ADAM32: variants seen among roughly 807,000 people sequenced by gnomAD.
ADAM32 encodes the protein ADAM metallopeptidase domain 32, also known as disintegrin and metalloproteinase domain-containing protein 32.
In ADAM32, 89 loss-of-function variants were observed where a neutral mutation model predicts 114.9. The ratio of observed to expected loss-of-function variants is 0.77; its 90% CI spans 0.65 to 0.92. The LOEUF (loss-of-function observed/expected upper bound fraction) is 0.92, where lower values mean the gene tolerates loss of function less well. Among genes scored for constraint, ADAM32 ranks in the 40% least tolerant of loss-of-function variants. The probability of loss-of-function intolerance (pLI) is 0.00; values close to 1 mark genes in which losing one functional copy is unlikely to be tolerated. For missense variants in ADAM32, 870 were observed against 932.8 expected (o/e 0.93, Z 0.88); for synonymous variants, 285 against 307.5 (o/e 0.93, Z 0.77).
At chr8:39,227,286 C>T (rs761468203) in intron 14 of ADAM32, among the ~76,000 whole-genome samples, 6 of 152,122 alleles carry the variant, frequency 3.9e-5, no homozygotes, top group Non-Finnish European at 5.9e-5. Context: ...GAGAAGTTTC[C>T]GACCTTACCT....
At chr8:39,194,007 T>TGGGG (rs1806784242) in intron 11 of ADAM32, among the ~76,000 whole-genome samples, 1 of 152,036 alleles carries the variant, frequency 6.6e-6, no homozygotes, top group Non-Finnish European at 1.5e-5. Flanking sequence ...GGCGGCACAG[T>TGGGG]GGGGTGCATG....
chr8:39,209,832 C>A (rs1554615542), intron 11 of ADAM32, among the ~76,000 whole-genome samples: 1 of 152,156 alleles, frequency 6.6e-6, no homozygotes. Flanking sequence ...CTTCCCCTAG[C>A]AGAAGGAGTT....
At chr8:39,124,230 A>G (rs536871709) in intron 2 of ADAM32, among the ~76,000 whole-genome samples, 1 of 151,890 alleles carries the variant, frequency 6.6e-6, no homozygotes, top group South Asian at 2.1e-4. Context: ...ATGCGTCCAT[A>G]TGTTCTCATC....
intron 6 of ADAM32, chr8:39,157,729 AC>A: frequency 7.5e-7 from 1 of 1,334,390 alleles, no homozygotes; most frequent in Non-Finnish European, 1.1e-6. Context: ...CTTAGTTCCC[AC>A]CACACAGCAC....
Position 39,278,535 on chromosome 8 carries a change from C to G in ADAM32, c.2280-2601C>G, listed in dbSNP as rs7825242. 9.1e-3 allele frequency among the ~76,000 whole-genome samples: 1,382 copies of G among 152,178 alleles called. 23 individuals carry two copies. Among genetic ancestry groups the G allele is most frequent in the African/African-American group, 0.031 (1,275 of 41,514 alleles). On this transcript the variant is annotated intron_variant, in intron 22 of 24. Transcript: ENST00000379907. ...GTCTTTTCCTAAGCAACAGAAGAAT[C>G]TTTGACAATTTATCAGCAAACTCTT...
intron 18 of ADAM32, among the ~76,000 whole-genome samples, 199 bp downstream of exon 18, chr8:39,254,715 AT>A (rs918779940): frequency 1.8e-4 from 27 of 151,526 alleles, no homozygotes; most frequent in South Asian, 8.3e-4. Flanking sequence ...TAATCAATTA[AT>A]TTTTTTTATT....
At chr8:39,198,896 T>A (rs991241468) in intron 11 of ADAM32, among the ~76,000 whole-genome samples, 2 of 152,184 alleles carry the variant, frequency 1.3e-5, no homozygotes, top group Admixed American at 1.3e-4. Flanking sequence ...ATAGGACTAG[T>A]CTAGTGGTGA....
chr8:39,256,569 G>T (rs1049752917), intron 18 of ADAM32, among the ~76,000 whole-genome samples: 1 of 151,990 alleles, frequency 6.6e-6, no homozygotes, highest in African/African-American at 2.4e-5. Context: ...ATATATGCCA[G>T]GTCCAGGTGC....
chr8:39,206,057 T>C lies in ADAM32; in HGVS notation c.1053-5087T>C, dbSNP rs538134415. Among the ~76,000 whole-genome samples the C allele has an allele frequency of 1.4e-4, 22 of 152,334 alleles. No individual in the cohort carries two copies. The South Asian group carries it at 4.3e-3, about 30-fold the overall frequency. On this transcript the variant is annotated intron_variant, in intron 11 of 24. Coordinates refer to ENST00000379907, the MANE Select transcript of ADAM32 (RefSeq NM_145004.7). ...ATGGGGAAATACTTTTCCCTGTAGA[T>C]GTATTTATAGTATTAGTTGGATAGG... is the stretch of plus-strand genomic sequence containing the variant.
chr8:39,134,993 T>C (rs1802701051), intron 2 of ADAM32, among the ~76,000 whole-genome samples: 1 of 152,004 alleles, frequency 6.6e-6, no homozygotes, highest in Non-Finnish European at 1.5e-5. Context: ...CCGTCTCTTC[T>C]AAAAATACAA....
intron 18 of ADAM32, among the ~76,000 whole-genome samples, 199 bp downstream of exon 18, chr8:39,254,715 A>T (rs1214028545): frequency 1.3e-5 from 2 of 151,644 alleles, no homozygotes; most frequent in Admixed American, 6.6e-5. Context: ...TAATCAATTA[A>T]TTTTTTTTAT....
intron 10 of ADAM32, among the ~76,000 whole-genome samples, chr8:39,177,096 G>C (rs1021866485): frequency 7.0e-6 from 1 of 143,774 alleles, no homozygotes; most frequent in Non-Finnish European, 1.5e-5. Flanking sequence ...GTCTCACTCT[G>C]TTGCCCAGGC....
intron 2 of ADAM32, chr8:39,129,954 C>CT: frequency 6.3e-5 from 14 of 222,484 alleles, no homozygotes; most frequent in South Asian, 8.0e-5. Context: ...CATCACATTT[C>CT]CTTTTTTTTT....
rs969115805 is a variant in ADAM32 at position 39,144,730 on chromosome 8, A to G, written c.201-2400A>G. On this transcript the variant is annotated intron_variant, in intron 3 of 24. Transcript: ENST00000379907. The stretch of plus-strand genomic sequence containing the variant: ...AGTGGTAAAAAGTTGAAAGTTTTTC[A>G]TCTAATATCAGGAACAAGATTAGGA... Among the ~76,000 whole-genome samples, 4 of 152,254 alleles carry G rather than the reference A, an allele frequency of 2.6e-5. No individual in the cohort carries two copies. The South Asian group carries it at 8.3e-4, about 31-fold the overall frequency.
intron 19 of ADAM32, among the ~76,000 whole-genome samples, chr8:39,260,787 A>T (rs1222205351): frequency 6.6e-6 from 1 of 151,700 alleles, no homozygotes; most frequent in African/African-American, 2.4e-5. Flanking sequence ...AGTGTTCCCT[A>T]CTCTTCAGTT....
intron 19 of ADAM32, among the ~76,000 whole-genome samples, chr8:39,258,075 A>G (rs1811772533): frequency 6.6e-6 from 1 of 151,622 alleles, no homozygotes; most frequent in African/African-American, 2.4e-5. Flanking sequence ...AATTTTAAAT[A>G]GCTATACTTT....
intron 2 of ADAM32, among the ~76,000 whole-genome samples, chr8:39,126,266 A>G (rs1196308693): frequency 1.3e-5 from 2 of 152,080 alleles, no homozygotes; most frequent in African/African-American, 4.8e-5. Context: ...TTGGTAGGCC[A>G]TAAATTACCA....
At chr8:39,236,713 C>A (rs192600770) in intron 16 of ADAM32, among the ~76,000 whole-genome samples, 2 of 152,036 alleles carry the variant, frequency 1.3e-5, no homozygotes, top group African/African-American at 4.8e-5. Flanking sequence ...CTGGAAAATC[C>A]CCATACTCTT....
At chr8:39,158,157 C>A in intron 6 of ADAM32, 1 of 185,656 alleles carries the variant, frequency 5.4e-6, no homozygotes, top group South Asian at 1.2e-4. Flanking sequence ...GTTTCTCGGT[C>A]ACAGTGCCTC....
Sources: allele counts gnomAD v4.1 joint callset (sites outside exome capture counted in the v4.1 genomes callset), GRCh38; gene constraint gnomAD v4.1.1; transcripts MANE v1.5; gene names NCBI Gene and HGNC (gene_info 2026-07-23, HGNC 2026-07-21).